HTRA3: variants seen among roughly 807,000 people sequenced by gnomAD.
HTRA3 encodes HtrA serine peptidase 3.
In HTRA3, 41 loss-of-function variants were observed where a neutral mutation model predicts 43.2. The ratio of observed to expected loss-of-function variants is 0.95; its 90% CI spans 0.74 to 1.23. The LOEUF is 1.23. Among genes scored for constraint, HTRA3 ranks in the 50% most tolerant of loss-of-function variants. The pLI is 0.00. For missense variants in HTRA3, 628 were observed against 647.1 expected (o/e 0.97, Z 0.32); for synonymous variants, 295 against 287.9 (o/e 1.02, Z -0.25).
At chr4:8,281,180 A>C (rs765282175) in intron 1 of HTRA3, among the ~76,000 whole-genome samples, 1 of 152,090 alleles carries the variant, frequency 6.6e-6, no homozygotes, top group Non-Finnish European at 1.5e-5. Flanking sequence ...TAGAGCACGG[A>C]CCGCGGCCCG....
chr4:8,276,466 G>A (rs533938580), intron 1 of HTRA3, among the ~76,000 whole-genome samples: 5 of 152,370 alleles, frequency 3.3e-5, no homozygotes, highest in Middle Eastern at 3.4e-3. Flanking sequence ...GCTGGAAGGC[G>A]GTGTCTGTGG....
intron 6 of HTRA3, among the ~76,000 whole-genome samples, chr4:8,299,522 G>A (rs1345348805): frequency 6.6e-6 from 1 of 152,082 alleles, no homozygotes; most frequent in African/African-American, 2.4e-5. Context: ...TTGAATGAAA[G>A]GGGTAAGAGT....
chr4:8,278,951 C>G (rs568607501), intron 1 of HTRA3, among the ~76,000 whole-genome samples: 1 of 152,294 alleles, frequency 6.6e-6, no homozygotes, highest in Non-Finnish European at 1.5e-5. Context: ...AGAAGGGCCC[C>G]CTTGAACTTC....
chr4:8,286,582 C>T lies in HTRA3; in HGVS notation c.507C>T (p.Asn169=), dbSNP rs747571226. 43 of 1,613,838 alleles carry T rather than the reference C, an allele frequency of 2.7e-5. No homozygotes were observed. The highest frequency in any genetic ancestry group is 4.5e-5 in the East Asian group (2 of 44,878). The stretch of plus-strand genomic sequence containing the variant: ...GCAGACACCCGCTGTTTGGCCGCAA[C>T]GTGCCCCTGTCCAGCGGTTCTGGCT... ...LFLRHPLFGR[N]VPLSSGSGFI... Residue 169 remains asparagine (N), a synonymous_variant, in exon 3 of 9, where the codon AAC becomes AAT. Transcript: ENST00000307358. The surrounding 1 kb of genome is among the most constrained non-coding windows in gnomAD (Gnocchi z 4.9).
intron 4 of HTRA3, among the ~76,000 whole-genome samples, chr4:8,291,854 C>A (rs763533766): frequency 9.2e-5 from 14 of 152,360 alleles, no homozygotes; most frequent in South Asian, 2.1e-4. Flanking sequence ...AGCTTACACA[C>A]CCTGGCCAAC....
At chr4:8,276,106 G>C (rs1712512874) in intron 1 of HTRA3, among the ~76,000 whole-genome samples, 1 of 152,254 alleles carries the variant, frequency 6.6e-6, no homozygotes, top group Non-Finnish European at 1.5e-5. Context: ...CCCTGGAATT[G>C]TGCAATGTAC....
intron 5 of HTRA3, 144 bp downstream of exon 5, chr4:8,292,497 C>T: frequency 1.4e-6 from 1 of 729,524 alleles, no homozygotes; most frequent in East Asian, 2.8e-5. Flanking sequence ...GGCCGGAGGC[C>T]TGGAAGGAGG....
intron 3 of HTRA3, among the ~76,000 whole-genome samples, chr4:8,288,864 C>T (rs867093006): frequency 1.8e-4 from 26 of 146,382 alleles, no homozygotes; most frequent in Middle Eastern, 3.6e-3. Context: ...AGCCACTGCA[C>T]CCCACCCCCA....
intron 2 of HTRA3, among the ~76,000 whole-genome samples, chr4:8,285,124 C>T (rs1341533973): frequency 2.0e-5 from 3 of 152,168 alleles, no homozygotes; most frequent in Non-Finnish European, 4.4e-5. Flanking sequence ...GCCTTCCCCT[C>T]TGTGAGACTG....
intron 1 of HTRA3, among the ~76,000 whole-genome samples, chr4:8,278,660 C>T (rs145985258): frequency 0.013 from 1,981 of 152,272 alleles, 27 homozygotes; most frequent in Middle Eastern, 0.044. Context: ...CACCACCCAC[C>T]GAGGTCCGCT....
rs1423672270 is a variant in HTRA3, at chr4:8,296,470, C to T, written c.1051+2269C>T. 1 of 984,746 alleles carries T rather than the reference C, an allele frequency of 1.0e-6. No individual in the cohort carries two copies. The highest frequency in any genetic ancestry group is 1.7e-5 in the African/African-American group (1 of 57,228). 61.0% of individuals were successfully genotyped at this position (984,746 alleles called of 1,614,324 possible). On this transcript the variant is annotated intron_variant, in intron 6 of 8. Transcript: ENST00000307358. This position sits in a 1 kb window ranked among gnomAD's most constrained non-coding sequence, Gnocchi z 5.3. ...TTTTTATTTAATAAAATCCAATGAT[C>T]CAAACCCAGTTAATCTAAAGTTCTT...
At position 8,306,056 on chromosome 4, in the gene HTRA3, A is replaced by T; in HGVS notation, c.1282A>T (p.Thr428Ser). 1.4e-5 allele frequency: 22 copies of T among 1,612,220 alleles called. No homozygotes were observed. Among genetic ancestry groups the T allele is most frequent in the Non-Finnish European group, 1.9e-5 (22 of 1,179,294 alleles). ...GAGTGAGCTGCAGGAGGCCGTGCTG[A>T]CCGAGTCTCCTCTCCTACTGGAGGT... ...DSSELQEAVL[T>S]ESPLLLEVRR... Residue 428 changes from threonine to serine, a missense_variant, in exon 9 of 9, where the codon ACC (threonine) becomes TCC (serine). By Grantham distance (58) the Thr-to-Ser change is moderately conservative. Transcript: ENST00000307358. This position sits in a 1 kb window ranked among gnomAD's most constrained non-coding sequence, Gnocchi z 8.9.
At chr4:8,299,648 T>A (rs1713569368) in intron 6 of HTRA3, among the ~76,000 whole-genome samples, 1 of 152,180 alleles carries the variant, frequency 6.6e-6, no homozygotes, top group Non-Finnish European at 1.5e-5. Context: ...AAAGTTCCCT[T>A]CTATTTCTGG....
chr4:8,293,965 G>A (rs1713342043), intron 5 of HTRA3, 122 bp from the exon 6 acceptor site: 2 of 638,922 alleles, frequency 3.1e-6, no homozygotes, highest in Non-Finnish European at 5.6e-6. Flanking sequence ...GGGAGTTGGG[G>A]GCTGTAGGGG....
rs974023269 is a variant in HTRA3 at position 8,286,253 on chromosome 4, C to T, written c.486-308C>T. Among the ~76,000 whole-genome samples, 1 of 152,200 alleles carries T rather than the reference C, an allele frequency of 6.6e-6. No individual in the cohort carries two copies. The highest frequency in any genetic ancestry group is 6.5e-5 in the Admixed American group (1 of 15,280). On this transcript the variant is annotated intron_variant, in intron 2 of 8. Transcript: ENST00000307358. The surrounding 1 kb of genome is among the most constrained non-coding windows in gnomAD (Gnocchi z 4.9). ...GCATCCTGGTCTGTCTGGCTCCGTG[C>T]TCCGTAGTCAGGATGGCGAGTGCAA... is the stretch of plus-strand genomic sequence containing the variant.
chr4:8,274,038 T>A (rs1460378983), intron 1 of HTRA3, among the ~76,000 whole-genome samples: 7 of 152,186 alleles, frequency 4.6e-5, no homozygotes, highest in Non-Finnish European at 1.0e-4. Flanking sequence ...CAGGATCACC[T>A]TGGTCAATCT....
chr4:8,273,785 A>AT, intron 1 of HTRA3, among the ~76,000 whole-genome samples: 1 of 149,884 alleles, frequency 6.7e-6, no homozygotes, highest in South Asian at 2.1e-4. Flanking sequence ...CTGCACTGTC[A>AT]CAGTGGCTCA....
In HTRA3 at chr4:8,302,514, G is replaced by A. The variant is rs1461883148; in HGVS notation, c.1100+3G>A. 4 of 1,613,912 alleles carry A rather than the reference G, an allele frequency of 2.5e-6. No individual in the cohort carries two copies. Among genetic ancestry groups the A allele is most frequent in the Non-Finnish European group, 3.4e-6 (4 of 1,179,880 alleles). On this transcript the variant is annotated splice_donor_region_variant and intron_variant, in intron 7 of 8. Transcript: ENST00000307358. ...CGGATGCGGACGATCACACCAAGGT[G>A]AGTGTCTGAAGAGTGCCATCCCCTG...
At chr4:8,280,736 C>CT (rs919876458) in intron 1 of HTRA3, among the ~76,000 whole-genome samples, 1 of 68,042 alleles carries the variant, frequency 1.5e-5, no homozygotes, top group African/African-American at 5.3e-5. Flanking sequence ...CTCGCGGTGG[C>CT]CGGCGTCTCC....
Sources: allele counts gnomAD v4.1 joint callset (sites outside exome capture counted in the v4.1 genomes callset), GRCh38; gene constraint gnomAD v4.1.1; non-coding constraint Gnocchi (gnomAD v3.1); transcripts MANE v1.5; gene names NCBI Gene and HGNC (gene_info 2026-07-23, HGNC 2026-07-21).